Variants in SLC22A23 observed in about 807,000 individuals in gnomAD.
The protein encoded by SLC22A23 is ion transporter protein.
Under a neutral mutation model 61.0 loss-of-function variants are expected in SLC22A23, and 26 were observed. That is an observed-to-expected ratio of 0.43 (90% CI 0.31 to 0.59). The LOEUF (loss-of-function observed/expected upper bound fraction) is 0.59, where lower values mean the gene tolerates loss of function less well. Ranked by LOEUF, SLC22A23 falls within the 20% of genes least tolerant of loss-of-function variation. The pLI, the probability that SLC22A23 is intolerant of heterozygous loss-of-function variation, is 0.11. For synonymous variants in SLC22A23, 430 were observed against 413.9 expected (o/e 1.04, Z -0.47); for missense variants, 796 against 934.7 (o/e 0.85, Z 1.94).
intron 4 of SLC22A23, among the ~76,000 whole-genome samples, chr6:3,320,805 A>C (rs1331914843): frequency 6.6e-6 from 1 of 152,216 alleles, no homozygotes; most frequent in African/African-American, 2.4e-5. Flanking sequence ...ACTCCTATAT[A>C]TATATTAAGA....
At chr6:3,325,501 T>C (rs945986352) in intron 3 of SLC22A23, among the ~76,000 whole-genome samples, 1 of 152,238 alleles carries the variant, frequency 6.6e-6, no homozygotes, top group African/African-American at 2.4e-5. Context: ...ATTTCACTGA[T>C]TATTGCTTAT....
intron 3 of SLC22A23, among the ~76,000 whole-genome samples, chr6:3,341,591 T>G (rs1431652735): frequency 6.6e-6 from 1 of 152,226 alleles, no homozygotes; most frequent in African/African-American, 2.4e-5. Flanking sequence ...TAGATGACAT[T>G]CAAATGTAAA....
intron 1 of SLC22A23, among the ~76,000 whole-genome samples, chr6:3,446,960 G>T (rs1364992691): frequency 6.6e-6 from 1 of 152,026 alleles, no homozygotes; most frequent in Non-Finnish European, 1.5e-5. Context: ...TACAGGCCTC[G>T]CTGGCTTTCT....
At chr6:3,298,855 C>T (rs1043640886) in intron 4 of SLC22A23, among the ~76,000 whole-genome samples, 5 of 151,462 alleles carry the variant, frequency 3.3e-5, no homozygotes, top group Non-Finnish European at 5.9e-5. Context: ...GCCTGTAGTC[C>T]CAGCTACTCG....
intron 5 of SLC22A23, among the ~76,000 whole-genome samples, chr6:3,294,001 A>G (rs531762210): frequency 2.0e-5 from 3 of 152,272 alleles, no homozygotes; most frequent in Admixed American, 1.3e-4. Context: ...CTGAGGACGG[A>G]GGATGCCTGC....
intron 4 of SLC22A23, chr6:3,311,632 G>T (rs917389484): frequency 6.6e-6 from 1 of 152,166 alleles, no homozygotes; most frequent in Non-Finnish European, 1.5e-5. Flanking sequence ...ATAAAGATTG[G>T]CTCTGAGGAT....
chr6:3,349,580 G>A lies in SLC22A23; in HGVS notation c.914-25578C>T, dbSNP rs9503554. On this transcript the variant is annotated intron_variant, in intron 3 of 9. Transcript: ENST00000406686. ...AGCCTAGTTTGCAGTTAGGCTAACC[G>A]TCACAGCTGGCATGAGCTGTTTTCA... Among the ~76,000 whole-genome samples the A allele has an allele frequency of 8.1e-3, 1,230 of 152,234 alleles. 22 individuals carry two copies. Among genetic ancestry groups the A allele is most frequent in the African/African-American group, 0.028 (1,175 of 41,524 alleles).
chr6:3,276,029 T>G (rs1431124611), intron 9 of SLC22A23, among the ~76,000 whole-genome samples: 2 of 152,200 alleles, frequency 1.3e-5, no homozygotes, highest in Non-Finnish European at 2.9e-5. Flanking sequence ...AAACCAGATA[T>G]ACACAGGTCT....
intron 3 of SLC22A23, among the ~76,000 whole-genome samples, chr6:3,365,738 C>G (rs895709130): frequency 5.3e-5 from 8 of 152,096 alleles, no homozygotes; most frequent in Non-Finnish European, 5.9e-5. Flanking sequence ...TATGTTCAGT[C>G]TTTTCTCCTA....
Position 3,289,932 on chromosome 6 carries a change from G to A in SLC22A23, c.1211-66C>T, listed in dbSNP as rs773622184. The A allele has an allele frequency of 6.8e-5, 84 of 1,238,688 alleles. No individual in the cohort carries two copies. In the Middle Eastern group the frequency reaches 1.1e-3, roughly 17 times the overall value. The allele number at this position is 1,238,688 out of a possible 1,614,324, so 76.7% of individuals were successfully genotyped here. On this transcript the variant is annotated intron_variant, in intron 5 of 9. Transcript: ENST00000406686. ...CACAGAGGACAGGACAGCAGCTGCA[G>A]TCACAGCCCTGGTTCCCCAGTTCGG...
chr6:3,418,505 C>T (rs867023815), intron 1 of SLC22A23, among the ~76,000 whole-genome samples: 5 of 152,152 alleles, frequency 3.3e-5, no homozygotes, highest in African/African-American at 4.8e-5. Flanking sequence ...AGTGATCAGC[C>T]CTATCCATTA....
chr6:3,299,487 C>G (rs369276710), intron 4 of SLC22A23, among the ~76,000 whole-genome samples: 13 of 152,184 alleles, frequency 8.5e-5, no homozygotes, highest in African/African-American at 3.1e-4. Context: ...TCGAGTTTTA[C>G]CAAAGCGACA....
chr6:3,331,049 T>C (rs1763554531), intron 3 of SLC22A23, among the ~76,000 whole-genome samples: 1 of 152,230 alleles, frequency 6.6e-6, no homozygotes, highest in African/African-American at 2.4e-5. Context: ...GTTAAATTCA[T>C]TTAATCTGCA....
intron 1 of SLC22A23, among the ~76,000 whole-genome samples, chr6:3,428,674 A>G (rs1049953427): frequency 2.0e-5 from 3 of 152,338 alleles, no homozygotes; most frequent in Non-Finnish European, 4.4e-5. Flanking sequence ...AAGACAACGT[A>G]AAAATATATT....
In SLC22A23 at chr6:3,317,011, G is replaced by A. The variant is rs1004489176; in HGVS notation, c.1082+6823C>T. Among the ~76,000 whole-genome samples the A allele has an allele frequency of 1.2e-4, 19 of 152,076 alleles. No individual in the cohort carries two copies. The highest frequency in any genetic ancestry group is 1.9e-4 in the Non-Finnish European group (13 of 68,024). ...TGCACCAACGTTTTGGGAGAGTGGC[G>A]CTCACATCTCCACTATCTCCAGAAG... On this transcript the variant is annotated intron_variant, in intron 4 of 9. Transcript: ENST00000406686. The surrounding 1 kb of genome is among the most constrained non-coding windows in gnomAD (Gnocchi z 4.4).
rs138329069 is a variant in SLC22A23 at position 3,347,903 on chromosome 6, C to A, written c.914-23901G>T. Among the ~76,000 whole-genome samples the A allele has an allele frequency of 1.0e-3, 156 of 152,302 alleles. 1 individual carries two copies. The highest frequency in any genetic ancestry group is 3.4e-3 in the African/African-American group (143 of 41,570). On this transcript the variant is annotated intron_variant, in intron 3 of 9. Coordinates refer to ENST00000406686, the MANE Select transcript of SLC22A23 (RefSeq NM_015482.2). ...TTCTACTGCTAAAGATGAAGCTCTG[C>A]CCAGCATCGGGAGGTGTGCGGCTGT...
At chr6:3,435,515 T>C (rs531021537) in intron 1 of SLC22A23, among the ~76,000 whole-genome samples, 117 of 152,272 alleles carry the variant, frequency 7.7e-4, no homozygotes, top group African/African-American at 2.6e-3. Flanking sequence ...ACCACCTGGA[T>C]TGTGAACACG....
At chr6:3,277,818 A>G (rs1376803456) in intron 9 of SLC22A23, among the ~76,000 whole-genome samples, 3 of 152,180 alleles carry the variant, frequency 2.0e-5, no homozygotes, top group Admixed American at 2.0e-4. Context: ...AGGTACAAAT[A>G]ACGTACTTTT....
At chr6:3,405,709 G>A (rs1768780860) in intron 3 of SLC22A23, among the ~76,000 whole-genome samples, 2 of 151,776 alleles carry the variant, frequency 1.3e-5, no homozygotes, top group Admixed American at 6.6e-5. Flanking sequence ...TTAGTTCAGG[G>A]AAATATCAAA....
Sources: allele counts gnomAD v4.1 joint callset (sites outside exome capture counted in the v4.1 genomes callset), GRCh38; gene constraint gnomAD v4.1.1; non-coding constraint Gnocchi (gnomAD v3.1); transcripts MANE v1.5; gene names NCBI Gene and HGNC (gene_info 2026-07-23, HGNC 2026-07-21).